Variants in SLIT3 observed in about 807,000 individuals in gnomAD.
The protein encoded by SLIT3 is slit homolog 3 protein.
SLIT3 carries 68 observed loss-of-function variants against 184.0 expected under a neutral mutation model. The observed-to-expected ratio is 0.37, with a 90% CI of 0.30 to 0.45. The LOEUF (loss-of-function observed/expected upper bound fraction) is 0.45. Among genes scored for constraint, SLIT3 ranks in the 20% least tolerant of loss-of-function variants. The pLI, the probability that SLIT3 is intolerant of heterozygous loss-of-function variation, is 1.00. For missense variants in SLIT3, 1,707 were observed against 2,026.0 expected (o/e 0.84, Z 3.02); for synonymous variants, 831 against 828.6 (o/e 1.00, Z -0.05).
chr5:168,722,317 A>G lies in SLIT3; in HGVS notation c.2422T>C (p.Tyr808His). The G allele has an allele frequency of 1.2e-6, 2 of 1,614,134 alleles. No individual in the cohort carries two copies. Among genetic ancestry groups the G allele is most frequent in the Non-Finnish European group, 8.5e-7 (1 of 1,180,014 alleles). ...MSHLSTLILS[Y>H]NRLRCIPVHA... ...ACGGGGATGCACCTCAGCCGGTTGT[A>G]GCTCAGGATCCTGTGGAAAAGGAGG... The change falls in exon 23 of 36, where the codon TAC (tyrosine) becomes CAC (histidine). Residue 808 changes from tyrosine (Y) to histidine (H), a missense_variant. Around this residue, in one of 3 missense-constraint regions of SLIT3, gnomAD observed 1,307 missense variants for 1,511.6 expected, o/e 0.86. Transcript: ENST00000519560.
intron 3 of SLIT3, among the ~76,000 whole-genome samples, chr5:169,217,745 C>T (rs578181358): frequency 6.6e-6 from 1 of 152,324 alleles, no homozygotes; most frequent in Non-Finnish European, 1.5e-5. Context: ...ATTCTAACCC[C>T]TACCTATGGC....
At chr5:168,851,139 C>G (rs1207027814) in intron 5 of SLIT3, among the ~76,000 whole-genome samples, 1 of 152,056 alleles carries the variant, frequency 6.6e-6, no homozygotes, top group South Asian at 2.1e-4. Context: ...CTGGCTCACA[C>G]GGTGAAACCC....
At chr5:168,931,783 C>A (rs1201311953) in intron 4 of SLIT3, among the ~76,000 whole-genome samples, 1 of 152,192 alleles carries the variant, frequency 6.6e-6, no homozygotes, top group East Asian at 1.9e-4. Context: ...TCTACTAGCA[C>A]ACACCACTGC....
At chr5:169,214,290 G>T (rs1764364557) in intron 3 of SLIT3, among the ~76,000 whole-genome samples, 1 of 152,264 alleles carries the variant, frequency 6.6e-6, no homozygotes. Context: ...TGCAGAGTTT[G>T]CTCTAAGGCA....
At chr5:168,816,699 T>C (rs534011724) in intron 8 of SLIT3, among the ~76,000 whole-genome samples, 2 of 152,366 alleles carry the variant, frequency 1.3e-5, no homozygotes, top group East Asian at 3.9e-4. Flanking sequence ...CACTAAACTA[T>C]AATAATTAAG....
chr5:168,957,771 GT>G (rs11363480), intron 4 of SLIT3, among the ~76,000 whole-genome samples: 63,528 of 151,684 alleles, frequency 0.42, 13,779 homozygotes, highest in African/African-American at 0.55. Context: ...CTGTGTATGT[GT>G]TGGGGGCGGG....
At chr5:169,209,358 G>A (rs554675575) in intron 3 of SLIT3, among the ~76,000 whole-genome samples, 4 of 152,338 alleles carry the variant, frequency 2.6e-5, no homozygotes, top group Admixed American at 6.5e-5. Context: ...TGGTGGGAGT[G>A]TAAATTAGTT....
intron 4 of SLIT3, among the ~76,000 whole-genome samples, chr5:169,141,419 GTTTT>G (rs1041606898): frequency 2.1e-5 from 3 of 143,150 alleles, no homozygotes; most frequent in Admixed American, 1.4e-4. Context: ...TTTGTTGTTT[GTTTT>G]GTTTTTTTTT....
Position 168,844,589 on chromosome 5 carries a change from C to A in SLIT3, c.552G>T (p.Glu184Asp). The change falls in exon 6 of 36, where the codon GAG (glutamate) becomes GAT (aspartate). Residue 184 changes from glutamate to aspartate, a missense_variant. Around this residue, in one of 3 missense-constraint regions of SLIT3, gnomAD observed 1,307 missense variants for 1,511.6 expected, o/e 0.86. Coordinates refer to ENST00000519560, the MANE Select transcript of SLIT3 (RefSeq NM_003062.4). ...DGAFRALRDL[E>D]ILTLNNNNIS... ...CGATCGCAAAATCAACTCACAGGAT[C>A]TCCAAATCGCGCAGCGCTCGGAAGG... 6.2e-7 allele frequency: 1 copy of A among 1,614,130 alleles called. No individual in the cohort carries two copies. The highest frequency in any genetic ancestry group is 8.5e-7 in the Non-Finnish European group (1 of 1,179,990).
intron 4 of SLIT3, among the ~76,000 whole-genome samples, chr5:169,011,104 A>T (rs1756127548): frequency 6.6e-6 from 1 of 152,078 alleles, no homozygotes; most frequent in Admixed American, 6.5e-5. Context: ...CCGAAGCTAT[A>T]ACCAACACCT....
chr5:169,282,346 C>T (rs1386343098), intron 1 of SLIT3, among the ~76,000 whole-genome samples: 1 of 152,092 alleles, frequency 6.6e-6, no homozygotes, highest in African/African-American at 2.4e-5. Flanking sequence ...TGAGATGAAC[C>T]GTCTGAGCCA....
chr5:168,722,944 G>T lies in SLIT3; in HGVS notation c.2400C>A (p.His800Gln). ...LTNYTFSNMSHLSTLILSYNR... is the reference protein window; with the variant it reads ...LTNYTFSNMSQLSTLILSYNR... ...CTCAGTGTACTCACAGAGTGGAGAG[G>T]TGAGACATGTTACTGAAGGTGTAAT... is the stretch of plus-strand genomic sequence containing the variant. The change falls in exon 22 of 36, where the codon CAC (histidine) becomes CAA (glutamine). Residue 800 changes from histidine to glutamine, a missense_variant. Around this residue, in one of 3 missense-constraint regions of SLIT3, gnomAD observed 1,307 missense variants for 1,511.6 expected, o/e 0.86. Transcript: ENST00000519560. 6.2e-7 allele frequency: 1 copy of T among 1,612,846 alleles called. No homozygotes were observed. Among genetic ancestry groups the T allele is most frequent in the Non-Finnish European group, 8.5e-7 (1 of 1,178,790 alleles).
intron 4 of SLIT3, among the ~76,000 whole-genome samples, chr5:169,184,949 C>T (rs1463926143): frequency 6.6e-6 from 1 of 152,200 alleles, no homozygotes; most frequent in Non-Finnish European, 1.5e-5. Flanking sequence ...ATGCAAGAAT[C>T]TACAAGGCAA....
intron 4 of SLIT3, among the ~76,000 whole-genome samples, chr5:169,135,409 GC>G (rs1378087673): frequency 2.1e-5 from 3 of 140,858 alleles, no homozygotes; most frequent in African/African-American, 7.6e-5. Flanking sequence ...ACCACACCCG[GC>G]AGATCAGTGT....
At chr5:169,049,226 C>G (rs1757734538) in intron 4 of SLIT3, among the ~76,000 whole-genome samples, 1 of 151,874 alleles carries the variant, frequency 6.6e-6, no homozygotes, top group Non-Finnish European at 1.5e-5. Context: ...TTACAAGAAA[C>G]AAAATAATAA....
chr5:169,197,194 G>T (rs1447767697), intron 3 of SLIT3, among the ~76,000 whole-genome samples: 1 of 152,142 alleles, frequency 6.6e-6, no homozygotes, highest in Non-Finnish European at 1.5e-5. Context: ...ATTGTGTGCT[G>T]CCCACTGCTT....
intron 5 of SLIT3, among the ~76,000 whole-genome samples, chr5:168,870,146 C>T (rs1355090687): frequency 1.3e-5 from 2 of 152,240 alleles, no homozygotes; most frequent in African/African-American, 2.4e-5. Flanking sequence ...TGAAAACCAC[C>T]GTCCTGCACT....
Position 168,887,138 on chromosome 5 carries a change from A to G in SLIT3, c.414-3802T>C, listed in dbSNP as rs886291497. Among the ~76,000 whole-genome samples the G allele has an allele frequency of 7.2e-5, 11 of 151,860 alleles. 1 individual carries two copies. Among genetic ancestry groups the G allele is most frequent in the African/African-American group, 2.7e-4 (11 of 41,434 alleles). Reference sequence around the variant, plus strand: ...AATGCTTCCTGGGGCTCTCCCTGCAATGTCAGGCATGCTTTGTTCTTGGAG... The same window carrying G: ...AATGCTTCCTGGGGCTCTCCCTGCAGTGTCAGGCATGCTTTGTTCTTGGAG... On this transcript the variant is annotated intron_variant, in intron 4 of 35. Coordinates refer to ENST00000519560, the MANE Select transcript of SLIT3 (RefSeq NM_003062.4).
chr5:168,766,802 T>G (rs1446489004), intron 14 of SLIT3, among the ~76,000 whole-genome samples: 1 of 152,250 alleles, frequency 6.6e-6, no homozygotes, highest in Non-Finnish European at 1.5e-5. Flanking sequence ...ATGGGATCTT[T>G]GTATGTCCAT....
Sources: gnomAD v4.1 joint callset for allele counts (sites outside exome capture counted in the v4.1 genomes callset) on GRCh38, gnomAD v4.1.1 for gene constraint, gnomAD v4.1.1 regional missense constraint, MANE v1.5 for transcripts, NCBI Gene and HGNC (gene_info 2026-07-23, HGNC 2026-07-21) for gene names.